The following SEMA3D variants were observed in gnomAD, a reference collection of about 807,000 sequenced individuals.
SEMA3D encodes semaphorin-3D.
In SEMA3D, 84 loss-of-function variants were observed where a neutral mutation model predicts 100.1. That is an observed-to-expected ratio of 0.84 (90% CI 0.70 to 1.01). SEMA3D has a LOEUF of 1.01. Among genes scored for constraint, SEMA3D ranks in the 50% least tolerant of loss-of-function variants. The probability of loss-of-function intolerance (pLI) is 0.00; values close to 1 mark genes in which losing one functional copy is unlikely to be tolerated. For synonymous variants in SEMA3D, 312 were observed against 320.7 expected, an observed-to-expected ratio of 0.97 and a Z score of 0.29; for missense variants, 875 against 934.1, an observed-to-expected ratio of 0.94 and a Z score of 0.82.
intron 1 of SEMA3D, among the ~76,000 whole-genome samples, chr7:85,181,319 AACACACACACACACAC>A (rs3076567): frequency 1.1e-5 from 1 of 93,590 alleles, no homozygotes; most frequent in Non-Finnish European, 2.1e-5. Flanking sequence ...ACATGCTCAC[AACACACACACACACAC>A]ACACACACAC....
the SEMA3D span, among the ~76,000 whole-genome samples, chr7:85,241,431 CATCA>C: frequency 1.1e-4 from 14 of 131,500 alleles, no homozygotes; most frequent in African/African-American, 4.3e-4. Flanking sequence ...CCCAAATGCC[CATCA>C]ATCAATGAGT....
intron 10 of SEMA3D, 200 bp from the exon 11 acceptor site, chr7:85,040,942 G>A: frequency 3.0e-6 from 1 of 336,514 alleles, no homozygotes; most frequent in Non-Finnish European, 5.3e-6. Context: ...TAATCTCCAA[G>A]GTAGTTTCCA....
intron 9 of SEMA3D, among the ~76,000 whole-genome samples, chr7:85,045,815 C>T (rs1397657456): frequency 6.6e-6 from 1 of 151,884 alleles, no homozygotes; most frequent in East Asian, 1.9e-4. Flanking sequence ...CCCCATCTTT[C>T]TCATGGCTCT....
chr7:85,185,240 A>C (rs1427862340), intron 1 of SEMA3D, among the ~76,000 whole-genome samples: 1 of 151,910 alleles, frequency 6.6e-6, no homozygotes, highest in African/African-American at 2.4e-5. Context: ...TGGTTACACA[A>C]TAGCAGCAGC....
the SEMA3D span, among the ~76,000 whole-genome samples, chr7:85,246,757 T>C: frequency 2.0e-5 from 3 of 151,908 alleles, no homozygotes; most frequent in South Asian, 6.2e-4. Flanking sequence ...ATTCCACTCT[T>C]TGGTAGGTAA....
At chr7:85,243,183 T>A in the SEMA3D span, among the ~76,000 whole-genome samples, 4 of 152,162 alleles carry the variant, frequency 2.6e-5, no homozygotes, top group South Asian at 8.3e-4. Context: ...GTAAAATAAT[T>A]TATCCTGAAG....
At chr7:85,208,857 C>T in the SEMA3D span, among the ~76,000 whole-genome samples, 1 of 151,962 alleles carries the variant, frequency 6.6e-6, no homozygotes, top group Non-Finnish European at 1.5e-5. Context: ...ACACGCAATA[C>T]TACAAATAAT....
At chr7:85,147,942 C>G (rs987090168) in intron 2 of SEMA3D, among the ~76,000 whole-genome samples, 22 of 152,090 alleles carry the variant, frequency 1.4e-4, no homozygotes, top group African/African-American at 5.3e-4. Flanking sequence ...CATGCCAGCC[C>G]ACTCCACACT....
intron 5 of SEMA3D, among the ~76,000 whole-genome samples, chr7:85,078,589 T>C (rs1265988699): frequency 6.6e-6 from 1 of 152,148 alleles, no homozygotes; most frequent in Non-Finnish European, 1.5e-5. Context: ...AACTTTCCTC[T>C]AAATAGAAGC....
Position 85,119,596 on chromosome 7 carries a change from T to G in SEMA3D, c.151+2145A>C, listed in dbSNP as rs140120520. On this transcript the variant is annotated intron_variant, in intron 3 of 18. Coordinates refer to ENST00000284136, the MANE Select transcript of SEMA3D (RefSeq NM_001384900.1). ...ACACCTAGAGGGGAATAATACACCC[T>G]GGGGACTATCAGAGCATGGAGGTAG... is the stretch of plus-strand genomic sequence containing the variant. 2.3e-3 allele frequency among the ~76,000 whole-genome samples: 344 copies of G among 152,104 alleles called. 4 individuals carry two copies. The highest frequency in any genetic ancestry group is 8.1e-3 in the African/African-American group (338 of 41,488).
Position 85,020,309 on chromosome 7 carries a change from A to G in SEMA3D, c.1427T>C (p.Val476Ala). 1 of 1,609,246 alleles carries G rather than the reference A, an allele frequency of 6.2e-7. No individual in the cohort carries two copies. The highest frequency in any genetic ancestry group is 8.5e-7 in the Non-Finnish European group (1 of 1,176,784). ...CTTTGAAATGCTGACAACTTTGAGG[A>G]CAGTTCCAATGTCTGAAAAAATGCA... ...VMFLGTDIGT[V>A]LKVVSISKEK... The change falls in exon 14 of 19, where the codon GTC becomes GCC. Residue 476 changes from valine to alanine, a missense_variant. Transcript: ENST00000284136.
intron 3 of SEMA3D, among the ~76,000 whole-genome samples, chr7:85,110,820 T>C (rs371060391): frequency 3.1e-4 from 47 of 152,154 alleles, no homozygotes; most frequent in African/African-American, 1.1e-3. Context: ...TATATCACAA[T>C]TGTCAAAAAT....
chr7:85,142,047 G>GAA (rs933738354), intron 2 of SEMA3D: 19 of 792,726 alleles, frequency 2.4e-5, no homozygotes, highest in South Asian at 1.1e-4. Context: ...GAAGGTAAGA[G>GAA]AAAAAAAAAA....
chr7:85,197,909 C>T, the SEMA3D span, among the ~76,000 whole-genome samples: 1 of 151,936 alleles, frequency 6.6e-6, no homozygotes, highest in Admixed American at 6.6e-5. Context: ...GTGCAAAATC[C>T]AATAATCAAA....
intron 3 of SEMA3D, among the ~76,000 whole-genome samples, chr7:85,115,928 A>G (rs1789227697): frequency 6.6e-6 from 1 of 152,122 alleles, no homozygotes; most frequent in Non-Finnish European, 1.5e-5. Context: ...TTGCATTAGC[A>G]ATGTTTCCAA....
chr7:85,195,880 G>T, the SEMA3D span, among the ~76,000 whole-genome samples: 2 of 152,110 alleles, frequency 1.3e-5, no homozygotes, highest in Admixed American at 6.5e-5. Flanking sequence ...AAAGTTGAAA[G>T]TTGGCTTTGT....
chr7:85,076,454 C>A (rs1375208216), intron 5 of SEMA3D, among the ~76,000 whole-genome samples: 1 of 152,108 alleles, frequency 6.6e-6, no homozygotes, highest in Non-Finnish European at 1.5e-5. Flanking sequence ...TATGCATTAA[C>A]ACTTAGAATT....
intron 2 of SEMA3D, among the ~76,000 whole-genome samples, chr7:85,152,581 A>G (rs1790461999): frequency 6.6e-6 from 1 of 152,170 alleles, no homozygotes; most frequent in Non-Finnish European, 1.5e-5. Context: ...CAACAATAAC[A>G]GAATATGATG....
At chr7:85,216,486 A>G in the SEMA3D span, among the ~76,000 whole-genome samples, 1 of 151,842 alleles carries the variant, frequency 6.6e-6, no homozygotes, top group Admixed American at 6.6e-5. Flanking sequence ...CAATTGTTGA[A>G]ATTTAGTAAA....
Sources: gnomAD v4.1 joint callset for allele counts (sites outside exome capture counted in the v4.1 genomes callset) on GRCh38, gnomAD v4.1.1 for gene constraint, MANE v1.5 for transcripts, NCBI Gene and HGNC (gene_info 2026-07-23, HGNC 2026-07-21) for gene names.